Variants in AHR observed in about 807,000 individuals in gnomAD.
The protein encoded by AHR is AH-receptor.
AHR carries 40 observed loss-of-function variants against 86.8 expected under a neutral mutation model. The observed-to-expected ratio is 0.46, with a 90% CI of 0.36 to 0.60. The LOEUF is 0.60. Ranked by LOEUF, AHR falls within the 20% of genes least tolerant of loss-of-function variation. The pLI is 0.00. For missense variants in AHR, 1,001 were observed against 1,011.6 expected, an observed-to-expected ratio of 0.99 and a Z score of 0.14; for synonymous variants, 398 against 354.9, an observed-to-expected ratio of 1.12 and a Z score of -1.37.
At chr7:17,326,511 T>C (rs114591128) in intron 3 of AHR, among the ~76,000 whole-genome samples, 110 of 152,336 alleles carry the variant, frequency 7.2e-4, no homozygotes, top group African/African-American at 2.6e-3. Flanking sequence ...ATTATTTATA[T>C]AGCTCTTTAT....
chr7:17,333,749 G>A lies in AHR; in HGVS notation c.706-163G>A, dbSNP rs138215741. ...ACTCTTTGAGATAGATTTAATGGGC[G>A]TCCCATGGAGAGAGGAGTGAAGGAA... is the stretch of plus-strand genomic sequence containing the variant. On this transcript the variant is annotated intron_variant, in intron 6 of 10. Coordinates refer to ENST00000242057, the MANE Select transcript of AHR (RefSeq NM_001621.5). Among the ~76,000 whole-genome samples the A allele has an allele frequency of 7.2e-5, 11 of 151,958 alleles. No homozygotes were observed. In the East Asian group the frequency reaches 9.6e-4, roughly 13 times the overall value.
chr7:17,335,012 T>C lies in AHR; in HGVS notation c.1018+16T>C. On this transcript the variant is annotated intron_variant, in intron 8 of 10. Transcript: ENST00000242057. ...CATATCCGAAGTAAGTTGTAGTTCC[T>C]TATGAACATGTCAGAAGAAAACGGC... The C allele has an allele frequency of 6.3e-7, 1 of 1,583,098 alleles. No homozygotes were observed. Among genetic ancestry groups the C allele is most frequent in the Non-Finnish European group, 8.7e-7 (1 of 1,154,084 alleles).
chr7:17,338,265 T>TA (rs1782377166), intron 9 of AHR, among the ~76,000 whole-genome samples: 1 of 60,416 alleles, frequency 1.7e-5, no homozygotes, highest in Admixed American at 1.3e-4. Context: ...TTCATATTAT[T>TA]ATGCCAATCT....
Position 17,334,967 on chromosome 7 carries a change from T to C in AHR, c.989T>C (p.Met330Thr), listed in dbSNP as rs376505668. 2 of 1,613,178 alleles carry C rather than the reference T, an allele frequency of 1.2e-6. No homozygotes were observed. The highest frequency in any genetic ancestry group is 1.7e-6 in the Non-Finnish European group (2 of 1,179,404). Residue 330 changes from methionine to threonine, a missense_variant, in exon 8 of 11, where the codon ATG becomes ACG. Coordinates refer to ENST00000242057, the MANE Select transcript of AHR (RefSeq NM_001621.5). ...TATCAGTTTATTCATGCAGCTGATA[T>C]GCTTTATTGTGCCGAGTCCCATATC... ...SGYQFIHAADMLYCAESHIRM... is the reference protein window; with the variant it reads ...SGYQFIHAADTLYCAESHIRM...
intron 1 of AHR, among the ~76,000 whole-genome samples, chr7:17,304,873 A>G (rs754114030): frequency 1.3e-5 from 2 of 152,102 alleles, no homozygotes; most frequent in Admixed American, 6.6e-5. Context: ...TGATTCTGGT[A>G]AGGCAGATAC....
At chr7:17,300,370 G>C (rs147553698) in intron 1 of AHR, among the ~76,000 whole-genome samples, 2 of 152,146 alleles carry the variant, frequency 1.3e-5, no homozygotes, top group Admixed American at 6.5e-5. Flanking sequence ...CGTCTTCTCA[G>C]ACCAAATCAG....
At chr7:17,302,797 A>C (rs1584027828) in intron 1 of AHR, among the ~76,000 whole-genome samples, 1 of 150,526 alleles carries the variant, frequency 6.6e-6, no homozygotes, top group Non-Finnish European at 1.5e-5. Flanking sequence ...CAACTAAAAC[A>C]GAACAAAAAA....
At chr7:17,329,909 T>A (rs768951335) in intron 4 of AHR, 43 bp from the exon 5 acceptor site, 5 of 1,549,306 alleles carry the variant, frequency 3.2e-6, no homozygotes, top group African/African-American at 1.4e-5. Flanking sequence ...CCATATTTTT[T>A]AATCAGTCCT....
Position 17,339,304 on chromosome 7 carries a change from C to G in AHR, c.1479C>G (p.Cys493Trp). 1 of 1,614,150 alleles carries G rather than the reference C, an allele frequency of 6.2e-7. No homozygotes were observed. The highest frequency in any genetic ancestry group is 1.1e-5 in the South Asian group (1 of 91,078). The change falls in exon 10 of 11, where the codon TGC (cysteine) becomes TGG (tryptophan). Residue 493 changes from cysteine to tryptophan, a missense_variant. Cys to Trp is a radical substitution (Grantham distance 215). Around this residue, in one of 2 missense-constraint regions of AHR, gnomAD observed 607 missense variants for 543.1 expected, o/e 1.12. Transcript: ENST00000242057. ...TTTTCAACGAATCTATGAATGAATG[C>G]AGAAATTGGCAAGATAATACTGCAC... is the stretch of plus-strand genomic sequence containing the variant. ...NNFFNESMNE[C>W]RNWQDNTAPM...
intron 6 of AHR, among the ~76,000 whole-genome samples, chr7:17,332,883 A>C (rs1392114199): frequency 2.6e-5 from 4 of 151,938 alleles, no homozygotes; most frequent in African/African-American, 9.7e-5. Context: ...TCACTGACTA[A>C]ACCAAAGCAA....
chr7:17,320,012 C>A (rs778529038), intron 2 of AHR, among the ~76,000 whole-genome samples: 3 of 152,054 alleles, frequency 2.0e-5, no homozygotes, highest in Non-Finnish European at 4.4e-5. Context: ...GTAGAAACCT[C>A]CAGTGATCAT....
chr7:17,324,843 A>G (rs1782212021), intron 3 of AHR, among the ~76,000 whole-genome samples: 1 of 152,132 alleles, frequency 6.6e-6, no homozygotes, highest in African/African-American at 2.4e-5. Flanking sequence ...ACATCTTTCT[A>G]GGTTAGCTTC....
chr7:17,330,984 T>C lies in AHR; in HGVS notation c.705+98T>C, dbSNP rs547901127. On this transcript the variant is annotated intron_variant, in intron 6 of 10. Transcript: ENST00000242057. ...CAAAATATAATTCAGCAGAGAACTA[T>C]TCCCAAATCAGGCAACCCTCAGAAC... 2.1e-5 allele frequency: 28 copies of C among 1,337,058 alleles called. No homozygotes were observed. The Admixed American group carries it at 4.6e-4, about 22-fold the overall frequency. 82.8% of individuals were successfully genotyped at this position (1,337,058 alleles called of 1,614,324 possible).
intron 2 of AHR, among the ~76,000 whole-genome samples, chr7:17,314,419 A>G (rs1166518712): frequency 6.6e-6 from 1 of 152,114 alleles, no homozygotes; most frequent in Non-Finnish European, 1.5e-5. Flanking sequence ...ATGATCTAAC[A>G]TTTATTTGAC....
At position 17,344,063 on chromosome 7, in the gene AHR, T is replaced by G. The variant is rs1183937310; in HGVS notation, c.*999T>G. The G allele has an allele frequency of 1.3e-5, 2 of 152,662 alleles. No individual in the cohort carries two copies. The highest frequency in any genetic ancestry group is 2.9e-5 in the Non-Finnish European group (2 of 68,016). 9.5% of individuals were successfully genotyped at this position (152,662 alleles called of 1,614,324 possible). On this transcript the variant is annotated 3_prime_UTR_variant, in exon 11 of 11. Transcript: ENST00000242057. ...GAAAAATCTGCTGTTAACTGCAACCTTGTTTATTAAATTGCAAGAAGCTTT... is the reference window on the plus strand; with the variant it reads ...GAAAAATCTGCTGTTAACTGCAACCGTGTTTATTAAATTGCAAGAAGCTTT...
At chr7:17,325,494 G>A (rs1221049777) in intron 3 of AHR, among the ~76,000 whole-genome samples, 4 of 152,212 alleles carry the variant, frequency 2.6e-5, no homozygotes, top group African/African-American at 4.8e-5. Context: ...ACTGCCAAGA[G>A]AATTTAAGAA....
chr7:17,328,015 A>G (rs1562479511), intron 4 of AHR, among the ~76,000 whole-genome samples, 167 bp downstream of exon 4: 5 of 151,890 alleles, frequency 3.3e-5, no homozygotes, highest in Admixed American at 1.3e-4. Flanking sequence ...TTACTGCACT[A>G]TAATTCCTTT....
intron 1 of AHR, among the ~76,000 whole-genome samples, chr7:17,300,682 CT>C (rs1425521345): frequency 2.0e-5 from 3 of 152,132 alleles, no homozygotes; most frequent in Admixed American, 1.3e-4. Context: ...GTTATTAATA[CT>C]TTTAATTTTG....
intron 2 of AHR, among the ~76,000 whole-genome samples, chr7:17,322,071 A>G (rs1584035629): frequency 2.6e-5 from 4 of 151,898 alleles, no homozygotes; most frequent in Admixed American, 2.0e-4. Flanking sequence ...CCAGTTCCCT[A>G]ATATTTCAAT....
Sources: gnomAD v4.1 joint callset for allele counts (sites outside exome capture counted in the v4.1 genomes callset) on GRCh38, gnomAD v4.1.1 for gene constraint, gnomAD v4.1.1 regional missense constraint, MANE v1.5 for transcripts, NCBI Gene and HGNC (gene_info 2026-07-23, HGNC 2026-07-21) for gene names.